The following TBL1X variants were observed in gnomAD, a reference collection of about 807,000 sequenced individuals.
TBL1X encodes the protein transducin beta like 1 X-linked.
In TBL1X, 10 loss-of-function variants were observed where a neutral mutation model predicts 50.7. The ratio of observed to expected loss-of-function variants is 0.20; its 90% CI spans 0.12 to 0.33. TBL1X has a LOEUF of 0.33. Among genes scored for constraint, TBL1X ranks in the 10% least tolerant of loss-of-function variants. The probability of loss-of-function intolerance (pLI) is 1.00; values close to 1 mark genes in which losing one functional copy is unlikely to be tolerated. For missense variants in TBL1X, 340 were observed against 504.4 expected (o/e 0.67, Z 3.12); for synonymous variants, 190 against 214.7 (o/e 0.88, Z 1.01).
At position 9,665,502 on chromosome X, in the gene TBL1X, TATATATATATATATATA is replaced by T. The variant is rs2082923591; in HGVS notation, c.211+11181_211+11197del. Among the ~76,000 whole-genome samples, 2 of 26,642 alleles carry T rather than the reference TATATATATATATATATA, an allele frequency of 7.5e-5. 1 individual carries two copies. Among genetic ancestry groups the T allele is most frequent in the Admixed American group, 9.2e-4 (2 of 2,183 alleles). 23.1% of individuals were successfully genotyped at this position (26,642 alleles called of 115,157 possible). A position where few individuals can be genotyped will look rare whatever the true frequency, so the allele number is the denominator to read the frequency against. The stretch of plus-strand genomic sequence containing the variant: ...CTGATATTCAAGCTATATATATATA[TATATATATATATATATA>T]TATATATATATATATATATAAAAGG... On this transcript the variant is annotated intron_variant, in intron 5 of 17. Coordinates refer to ENST00000645353, the MANE Select transcript of TBL1X (RefSeq NM_005647.4).
chrX:9,495,936 G>A (rs1343963126), intron 1 of TBL1X, among the ~76,000 whole-genome samples: 3 of 112,409 alleles, frequency 2.7e-5, no homozygotes, highest in South Asian at 3.6e-4. Flanking sequence ...GTTTGAGAAT[G>A]ACCATGAAAG....
chrX:9,624,316 G>C (rs1204850693), intron 2 of TBL1X, among the ~76,000 whole-genome samples: 2 of 111,762 alleles, frequency 1.8e-5, no homozygotes, highest in Admixed American at 1.9e-4. Context: ...CATAGCATCC[G>C]TTTCCTCCGT....
At chrX:9,477,762 A>T (rs184584963) in intron 1 of TBL1X, among the ~76,000 whole-genome samples, 9 of 111,613 alleles carry the variant, frequency 8.1e-5, no homozygotes, top group Admixed American at 6.7e-4. Flanking sequence ...TGTAGAGATC[A>T]CCATGATGCA....
intron 2 of TBL1X, among the ~76,000 whole-genome samples, chrX:9,578,439 C>T (rs2082423650): frequency 9.0e-6 from 1 of 111,356 alleles, no homozygotes. Flanking sequence ...TTGAGAAGCA[C>T]GTGCTGTCAG....
chrX:9,702,441 C>CAA (rs368394481), intron 12 of TBL1X, among the ~76,000 whole-genome samples: 34 of 45,165 alleles, frequency 7.5e-4, no homozygotes, highest in African/African-American at 1.5e-3. Flanking sequence ...GATCCTGTCT[C>CAA]AAAAAAAAAA....
At chrX:9,634,540 T>TG (rs1331480853) in intron 2 of TBL1X, among the ~76,000 whole-genome samples, 1 of 111,468 alleles carries the variant, frequency 9.0e-6, no homozygotes, top group African/African-American at 3.3e-5. Context: ...TTAATAGAGA[T>TG]GGGGTCTTGC....
At chrX:9,646,906 C>G (rs2082807729) in intron 3 of TBL1X, among the ~76,000 whole-genome samples, 1 of 112,344 alleles carries the variant, frequency 8.9e-6, no homozygotes, top group Non-Finnish European at 1.9e-5. Context: ...TTCGCTGTTT[C>G]AGAACACGGC....
intron 2 of TBL1X, among the ~76,000 whole-genome samples, chrX:9,577,445 C>T (rs1226140631): frequency 9.0e-6 from 1 of 111,619 alleles, no homozygotes; most frequent in African/African-American, 3.3e-5. Flanking sequence ...TGCTCAAAAC[C>T]GCTGGTACTG....
intron 2 of TBL1X, among the ~76,000 whole-genome samples, chrX:9,565,600 G>A (rs1406970303): frequency 3.6e-5 from 4 of 111,107 alleles, no homozygotes; most frequent in Non-Finnish European, 5.7e-5. Context: ...AGGCCGAAGC[G>A]GGAACGTCAC....
chrX:9,651,456 G>T (rs778562108), intron 3 of TBL1X, among the ~76,000 whole-genome samples: 1 of 112,168 alleles, frequency 8.9e-6, no homozygotes, highest in South Asian at 3.7e-4. Context: ...GAGATTTCTA[G>T]CTGTGCAAGA....
intron 4 of TBL1X, 89 bp downstream of exon 4, chrX:9,653,778 G>A: frequency 3.4e-6 from 3 of 870,288 alleles, no homozygotes; most frequent in Non-Finnish European, 4.9e-6. Context: ...ACCTCTCCAT[G>A]TGTCCAGAAA....
chrX:9,624,590 C>A (rs1426648875), intron 2 of TBL1X, among the ~76,000 whole-genome samples: 1 of 111,903 alleles, frequency 8.9e-6, no homozygotes, highest in Non-Finnish European at 1.9e-5. Flanking sequence ...GAATTAAATT[C>A]TATTTTTCTT....
At chrX:9,706,666 A>G (rs1356384509) in intron 13 of TBL1X, among the ~76,000 whole-genome samples, 2 of 111,418 alleles carry the variant, frequency 1.8e-5, no homozygotes, top group Non-Finnish European at 3.8e-5. Context: ...TCTTTCACCA[A>G]ATCTCCCTCA....
At chrX:9,557,956 G>A (rs747154858) in intron 2 of TBL1X, among the ~76,000 whole-genome samples, 3 of 112,458 alleles carry the variant, frequency 2.7e-5, no homozygotes, top group Non-Finnish European at 5.6e-5. Context: ...AATGCTAGAT[G>A]TTTTGTAAGT....
intron 5 of TBL1X, among the ~76,000 whole-genome samples, chrX:9,666,590 C>T (rs2082932364): frequency 8.9e-6 from 1 of 111,898 alleles, no homozygotes; most frequent in Non-Finnish European, 1.9e-5. Flanking sequence ...ATACTGTTTG[C>T]TAGATGCTTT....
intron 6 of TBL1X, among the ~76,000 whole-genome samples, chrX:9,686,935 G>C (rs1361209263): frequency 5.3e-5 from 6 of 112,274 alleles, no homozygotes; most frequent in Non-Finnish European, 9.4e-5. Flanking sequence ...AGGTTGTATT[G>C]TTTTCTTTAT....
intron 5 of TBL1X, among the ~76,000 whole-genome samples, chrX:9,675,065 C>T (rs996541314): frequency 1.8e-5 from 2 of 111,746 alleles, no homozygotes; most frequent in Non-Finnish European, 3.8e-5. Flanking sequence ...AACATTTGCC[C>T]TCACGCTACT....
chrX:9,684,438 A>G (rs2083044139), intron 6 of TBL1X, among the ~76,000 whole-genome samples: 1 of 108,865 alleles, frequency 9.2e-6, no homozygotes, highest in Non-Finnish European at 1.9e-5. Flanking sequence ...CAATTTTTTA[A>G]TTAGCCCAGT....
At chrX:9,467,633 T>C (rs2081784754) in intron 1 of TBL1X, among the ~76,000 whole-genome samples, 2 of 104,872 alleles carry the variant, frequency 1.9e-5, no homozygotes, top group African/African-American at 6.8e-5. Context: ...TTTTTTTTAG[T>C]TGGAAAGATA....
Sources: allele counts gnomAD v4.1 joint callset (sites outside exome capture counted in the v4.1 genomes callset), GRCh38; gene constraint gnomAD v4.1.1; transcripts MANE v1.5; gene names NCBI Gene and HGNC (gene_info 2026-07-23, HGNC 2026-07-21).